The following GLIS3 variants were observed in gnomAD, a reference collection of about 807,000 sequenced individuals.
The protein encoded by GLIS3 is zinc finger protein GLIS3.
A neutral mutation model predicts 78.6 loss-of-function variants in GLIS3; 53 were observed. The observed-to-expected ratio is 0.67, with a 90% confidence interval of 0.54 to 0.85. The LOEUF (loss-of-function observed/expected upper bound fraction) is 0.85, where lower values mean the gene tolerates loss of function less well. GLIS3 is among the 40% of genes least tolerant of loss of function. The probability of loss-of-function intolerance (pLI) is 0.00; values close to 1 mark genes in which losing one functional copy is unlikely to be tolerated. For missense variants in GLIS3, 1,703 were observed against 1,231.1 expected (o/e 1.38, Z -5.74); for synonymous variants, 684 against 509.9 (o/e 1.34, Z -4.60).
intron 1 of GLIS3, among the ~76,000 whole-genome samples, chr9:4,289,325 G>C (rs1828257333): frequency 6.6e-6 from 1 of 152,104 alleles, no homozygotes; most frequent in South Asian, 2.1e-4. Context: ...TAAATATGTA[G>C]ATTTTATACC....
intron 2 of GLIS3, among the ~76,000 whole-genome samples, chr9:4,207,122 A>G (rs921685561): frequency 1.3e-5 from 2 of 152,148 alleles, no homozygotes; most frequent in Non-Finnish European, 2.9e-5. Flanking sequence ...CCAATCCATA[A>G]TGGTATGTGG....
At chr9:3,836,514 G>C (rs1394243373) in intron 9 of GLIS3, among the ~76,000 whole-genome samples, 1 of 152,164 alleles carries the variant, frequency 6.6e-6, no homozygotes, top group Non-Finnish European at 1.5e-5. Context: ...ACTCTCCTTT[G>C]CCTTCAGATT....
chr9:3,914,505 C>A lies in GLIS3; in HGVS notation c.1984-15670G>T, dbSNP rs570608937. On this transcript the variant is annotated intron_variant, in intron 6 of 10. Transcript: ENST00000381971. ...TTATAATATTCAACCCACATTCATG[C>A]CAAATTTCACTAGATAACACTATTC... Among the ~76,000 whole-genome samples the A allele has an allele frequency of 8.1e-4, 123 of 152,174 alleles. 1 individual carries two copies. The highest frequency in any genetic ancestry group is 2.8e-3 in the African/African-American group (118 of 41,514).
intron 4 of GLIS3, among the ~76,000 whole-genome samples, chr9:4,063,875 G>T (rs1309848556): frequency 6.6e-6 from 1 of 152,172 alleles, no homozygotes; most frequent in Non-Finnish European, 1.5e-5. Context: ...GTGTACGTGT[G>T]TGAGTTCCCA....
At chr9:4,365,330 G>T in the GLIS3 span, among the ~76,000 whole-genome samples, 2 of 152,126 alleles carry the variant, frequency 1.3e-5, no homozygotes, top group African/African-American at 4.8e-5. Flanking sequence ...GGCTGAGTCA[G>T]GTGGATCATG....
intron 8 of GLIS3, among the ~76,000 whole-genome samples, chr9:3,859,372 C>T (rs199952756): frequency 7.2e-5 from 1 of 13,944 alleles, no homozygotes; most frequent in Non-Finnish European, 2.1e-4. Flanking sequence ...CACACACACA[C>T]ACACACACAC....
chr9:4,160,973 G>A (rs1015880703), intron 2 of GLIS3, among the ~76,000 whole-genome samples: 1 of 151,572 alleles, frequency 6.6e-6, no homozygotes, highest in South Asian at 2.1e-4. Context: ...GCTGGGAGTG[G>A]TGGTTCATGC....
At chr9:3,928,706 C>T (rs764180428) in intron 6 of GLIS3, among the ~76,000 whole-genome samples, 5 of 152,156 alleles carry the variant, frequency 3.3e-5, no homozygotes, top group African/African-American at 7.2e-5. Flanking sequence ...GTTGCATTCG[C>T]GCCCATTTCA....
At chr9:4,213,446 C>G (rs1033574244) in intron 2 of GLIS3, among the ~76,000 whole-genome samples, 5 of 152,214 alleles carry the variant, frequency 3.3e-5, no homozygotes, top group African/African-American at 1.2e-4. Context: ...CAAGGACTGT[C>G]CAGTAGAACT....
chr9:4,398,753 T>C, the GLIS3 span, among the ~76,000 whole-genome samples: 1 of 152,146 alleles, frequency 6.6e-6, no homozygotes, highest in African/African-American at 2.4e-5. Flanking sequence ...AGTGGCACGA[T>C]CTTGGCTCAC....
chr9:4,433,807 G>C, the GLIS3 span, among the ~76,000 whole-genome samples: 1 of 152,168 alleles, frequency 6.6e-6, no homozygotes, highest in South Asian at 2.1e-4. Flanking sequence ...TGATATTCAA[G>C]AGTGGTTGGC....
intron 2 of GLIS3, among the ~76,000 whole-genome samples, chr9:4,191,015 A>G (rs556585990): frequency 6.6e-6 from 1 of 152,094 alleles, no homozygotes; most frequent in Non-Finnish European, 1.5e-5. Flanking sequence ...GCCTGCCCTA[A>G]AAGAGCTCCT....
chr9:4,355,205 C>A, the GLIS3 span, among the ~76,000 whole-genome samples: 1 of 151,946 alleles, frequency 6.6e-6, no homozygotes, highest in Non-Finnish European at 1.5e-5. Flanking sequence ...TGGAAAGTGT[C>A]CTGGATTTGG....
intron 7 of GLIS3, among the ~76,000 whole-genome samples, chr9:3,885,767 C>A (rs1563812651): frequency 6.6e-6 from 1 of 152,232 alleles, no homozygotes; most frequent in South Asian, 2.1e-4. Context: ...AGCTGGACAA[C>A]AGAAATTCTG....
At chr9:3,886,113 G>C (rs1822055105) in intron 7 of GLIS3, among the ~76,000 whole-genome samples, 1 of 152,154 alleles carries the variant, frequency 6.6e-6, no homozygotes, top group East Asian at 1.9e-4. Flanking sequence ...AATAGAACTA[G>C]GGAAAGATAA....
chr9:3,828,432 A>C (rs377640060), intron 10 of GLIS3, 24 bp from the exon 11 acceptor site: 2 of 1,611,750 alleles, frequency 1.2e-6, no homozygotes, highest in Non-Finnish European at 1.7e-6. Context: ...AACGCAGTTA[A>C]GTCAGTAACT....
rs200252471 is a variant in GLIS3, at chr9:3,879,542, C to T, written c.2182G>A (p.Val728Ile). ...TGACTGACAGGATGTGGGGGTGGTA[C>T]GGCCCCAGCAGCTGTTCCACTTCGG... ...SSRSGTAAGAVPPPHPVSHPS... is the reference protein window; with the variant it reads ...SSRSGTAAGAIPPPHPVSHPS... The change falls in exon 8 of 11, where the codon GTA (valine) becomes ATA (isoleucine). Residue 728 changes from valine (V) to isoleucine (I), a missense_variant. Transcript: ENST00000381971. 34 of 1,613,994 alleles carry T rather than the reference C, an allele frequency of 2.1e-5. No individual in the cohort carries two copies. The highest frequency in any genetic ancestry group is 1.2e-4 in the African/African-American group (9 of 74,980).
chr9:4,094,910 A>G (rs1829818854), intron 4 of GLIS3, among the ~76,000 whole-genome samples: 1 of 152,110 alleles, frequency 6.6e-6, no homozygotes, highest in Non-Finnish European at 1.5e-5. Flanking sequence ...TTTATTTAAC[A>G]TAATAATTGT....
chr9:3,898,821 T>C lies in GLIS3; in HGVS notation c.1998A>G (p.Thr666=). The C allele has an allele frequency of 6.2e-7, 1 of 1,614,132 alleles. No individual in the cohort carries two copies. The highest frequency in any genetic ancestry group is 8.5e-7 in the Non-Finnish European group (1 of 1,180,020). The change falls in exon 7 of 11, where the codon ACA becomes ACG. Residue 666 remains threonine (T), a synonymous_variant. Transcript: ENST00000381971. ...QQARKKLRSS[T]ELHPDLLTDC... The stretch of plus-strand genomic sequence containing the variant: ...CTGTGAGCAGGTCTGGATGGAGCTC[T>C]GTGCTGGACCGCAACTAAGAGGACA...
Sources: gnomAD v4.1 joint callset for allele counts (sites outside exome capture counted in the v4.1 genomes callset) on GRCh38, gnomAD v4.1.1 for gene constraint, MANE v1.5 for transcripts, NCBI Gene and HGNC (gene_info 2026-07-23, HGNC 2026-07-21) for gene names.